DYM: variants seen among roughly 807,000 people sequenced by gnomAD.
The protein encoded by DYM is dymeclin.
DYM carries 78 observed loss-of-function variants against 93.1 expected under a neutral mutation model. The observed-to-expected ratio is 0.84, with a 90% CI of 0.70 to 1.01. The LOEUF (loss-of-function observed/expected upper bound fraction) is 1.01, where lower values mean the gene tolerates loss of function less well. Among genes scored for constraint, DYM ranks in the 50% least tolerant of loss-of-function variants. DYM has a pLI of 0.00. For missense variants in DYM, 789 were observed against 845.0 expected (o/e 0.93, Z 0.82); for synonymous variants, 321 against 319.7 (o/e 1.00, Z -0.04).
chr18:49,234,918 C>A (rs1488906540), intron 13 of DYM, among the ~76,000 whole-genome samples: 1 of 152,006 alleles, frequency 6.6e-6, no homozygotes, highest in African/African-American at 2.4e-5. Flanking sequence ...ATGTAAGGAC[C>A]AGAGAGAGGT....
At chr18:49,110,854 C>A (rs559345813) in intron 16 of DYM, among the ~76,000 whole-genome samples, 1 of 152,118 alleles carries the variant, frequency 6.6e-6, no homozygotes, top group East Asian at 1.9e-4. Flanking sequence ...CATCTGATAT[C>A]GTCCTATAGC....
rs182838616 is a variant in DYM, at chr18:49,045,403, G to A, written c.2026-1199C>T. 7.9e-5 allele frequency among the ~76,000 whole-genome samples: 12 copies of A among 152,320 alleles called. No individual in the cohort carries two copies. The East Asian group carries it at 9.6e-4, about 12-fold the overall frequency. On this transcript the variant is annotated intron_variant, in intron 17 of 17. Coordinates refer to ENST00000675505, the MANE Select transcript of DYM (RefSeq NM_001353214.3). The stretch of plus-strand genomic sequence containing the variant: ...TCAATGAAGCAATCAACCAAGTATT[G>A]AGGGCCAACTATGTCCCAGACACAC...
At chr18:49,204,900 G>C (rs138690417) in intron 14 of DYM, among the ~76,000 whole-genome samples, 6 of 152,158 alleles carry the variant, frequency 3.9e-5, no homozygotes, top group Non-Finnish European at 8.8e-5. Context: ...GGTCTGAAAG[G>C]CTTATGGCTT....
At position 49,453,218 on chromosome 18, in the gene DYM, A is replaced by C. The variant is rs1422998706; in HGVS notation, c.-54+7180T>G. ...GGGGACTTGGAGAACTTTTGTGTCG[A>C]GCTCAGGGATTGTACACGCACCAAT... is the stretch of plus-strand genomic sequence containing the variant. On this transcript the variant is annotated intron_variant, in intron 1 of 17. Transcript: ENST00000675505. Among the ~76,000 whole-genome samples, 2 of 148,962 alleles carry C rather than the reference A, an allele frequency of 1.3e-5. 1 individual carries two copies. Among genetic ancestry groups the C allele is most frequent in the Non-Finnish European group, 3.0e-5 (2 of 67,314 alleles).
chr18:49,407,036 T>C (rs12605541), intron 2 of DYM, among the ~76,000 whole-genome samples: 13,922 of 152,238 alleles, frequency 0.091, 860 homozygotes, highest in East Asian at 0.31. Flanking sequence ...ACAAGTGAGA[T>C]CCATAACAAC....
intron 6 of DYM, among the ~76,000 whole-genome samples, chr18:49,347,168 A>C (rs886155980): frequency 4.6e-5 from 7 of 152,176 alleles, no homozygotes; most frequent in African/African-American, 1.4e-4. Context: ...TCAAATTATC[A>C]TTAAGTTGTA....
intron 8 of DYM, among the ~76,000 whole-genome samples, chr18:49,320,002 A>G (rs904632614): frequency 6.6e-6 from 1 of 152,188 alleles, no homozygotes; most frequent in African/African-American, 2.4e-5. Flanking sequence ...GGGAAAAATG[A>G]AGAGCCATGT....
intron 14 of DYM, among the ~76,000 whole-genome samples, chr18:49,198,644 C>T (rs1463282993): frequency 6.6e-6 from 1 of 151,104 alleles, no homozygotes; most frequent in Non-Finnish European, 1.5e-5. Context: ...TCATCACTGG[C>T]CATCAGAGAA....
chr18:49,408,074 A>C (rs934523594), intron 2 of DYM, among the ~76,000 whole-genome samples: 14 of 151,926 alleles, frequency 9.2e-5, no homozygotes, highest in African/African-American at 3.4e-4. Context: ...AAAAAAAAAA[A>C]AAAAACTGAA....
At chr18:49,353,468 G>A (rs920014327) in intron 6 of DYM, among the ~76,000 whole-genome samples, 1 of 151,780 alleles carries the variant, frequency 6.6e-6, no homozygotes, top group African/African-American at 2.4e-5. Flanking sequence ...TGAAGGGTGT[G>A]GGAAGTAGTA....
At chr18:49,358,600 C>A (rs1038095402) in intron 6 of DYM, among the ~76,000 whole-genome samples, 1 of 152,172 alleles carries the variant, frequency 6.6e-6, no homozygotes, top group African/African-American at 2.4e-5. Flanking sequence ...ATTGACAAAT[C>A]TGCAAATCAG....
chr18:49,061,820 A>G (rs1230385511), intron 17 of DYM, among the ~76,000 whole-genome samples: 1 of 152,220 alleles, frequency 6.6e-6, no homozygotes, highest in Non-Finnish European at 1.5e-5. Context: ...TGAATCCAAG[A>G]GCTTCCTCTG....
chr18:49,270,232 T>C lies in DYM; in HGVS notation c.1251+1946A>G, dbSNP rs542409620. Among the ~76,000 whole-genome samples, 10 of 152,318 alleles carry C rather than the reference T, an allele frequency of 6.6e-5. No homozygotes were observed. In the East Asian group the frequency reaches 1.7e-3, roughly 26 times the overall value. ...CCAATTGTTAAGTAGTGCATGGTTG[T>C]ATAAACAAAGGAATATTATTCAGCC... On this transcript the variant is annotated intron_variant, in intron 11 of 17. Transcript: ENST00000675505.
At chr18:49,073,448 C>T (rs2077050920) in intron 17 of DYM, among the ~76,000 whole-genome samples, 3 of 150,330 alleles carry the variant, frequency 2.0e-5, no homozygotes, top group African/African-American at 7.4e-5. Flanking sequence ...CCACCTCCCC[C>T]CACCCCCATA....
chr18:49,427,605 G>A (rs1296608137), intron 2 of DYM, among the ~76,000 whole-genome samples: 2 of 151,858 alleles, frequency 1.3e-5, no homozygotes, highest in African/African-American at 4.8e-5. Flanking sequence ...AAGACTTTAC[G>A]ATACTTAAAA....
At position 49,219,611 on chromosome 18, in the gene DYM, T is replaced by A. The variant is rs2093254559; in HGVS notation, c.1461-9896A>T. 5.3e-5 allele frequency among the ~76,000 whole-genome samples: 8 copies of A among 152,178 alleles called. No homozygotes were observed. The South Asian group carries it at 1.7e-3, about 32-fold the overall frequency. ...GCAAGGCTGGTTCAATATATGCAAA[T>A]CAATAAATGTAATCCAGCATATAAA... On this transcript the variant is annotated intron_variant, in intron 13 of 17. Coordinates refer to ENST00000675505, the MANE Select transcript of DYM (RefSeq NM_001353214.3).
Position 49,118,816 on chromosome 18 carries a change from A to C in DYM, c.1839T>G (p.Leu613=). 4.3e-6 allele frequency: 7 copies of C among 1,614,130 alleles called. No individual in the cohort carries two copies. The highest frequency in any genetic ancestry group is 5.1e-6 in the Non-Finnish European group (6 of 1,180,000). ...ATTGTTCAAAGAGATCGCGTTTGTA[A>C]AGCAGGGCGTATACCAAGTTTGGGT... is the stretch of plus-strand genomic sequence containing the variant. ...HHNPNLVYAL[L]YKRDLFEQFR... Residue 613 remains leucine, a synonymous_variant, in exon 16 of 18, where the codon CTT becomes CTG. Coordinates refer to ENST00000675505, the MANE Select transcript of DYM (RefSeq NM_001353214.3).
Position 49,039,723 on chromosome 18 carries a change from T to C in DYM, c.*4332A>G, listed in dbSNP as rs1006869849. On this transcript the variant is annotated 3_prime_UTR_variant, in exon 18 of 18. Coordinates refer to ENST00000675505, the MANE Select transcript of DYM (RefSeq NM_001353214.3). Reference sequence around the variant, plus strand: ...TGTTCTTCTCATTACAGTACTTTAGTTATAGAATTTCCAATGCGCCTTTTA... The same window carrying C: ...TGTTCTTCTCATTACAGTACTTTAGCTATAGAATTTCCAATGCGCCTTTTA... 6.6e-6 allele frequency among the ~76,000 whole-genome samples: 1 copy of C among 152,236 alleles called. No homozygotes were observed. Among genetic ancestry groups the C allele is most frequent in the Non-Finnish European group, 1.5e-5 (1 of 68,046 alleles).
intron 2 of DYM, among the ~76,000 whole-genome samples, chr18:49,424,332 T>C (rs2074042900): frequency 6.6e-6 from 1 of 152,102 alleles, no homozygotes; most frequent in Non-Finnish European, 1.5e-5. Context: ...AAAAGGCCTT[T>C]GACAAAATTC....
Sources: gnomAD v4.1 joint callset for allele counts (sites outside exome capture counted in the v4.1 genomes callset) on GRCh38, gnomAD v4.1.1 for gene constraint, MANE v1.5 for transcripts, NCBI Gene and HGNC (gene_info 2026-07-23, HGNC 2026-07-21) for gene names.